Variants in SPON1 observed in about 807,000 individuals in gnomAD.
SPON1 encodes the protein spondin-1.
SPON1 carries 52 observed loss-of-function variants against 111.7 expected under a neutral mutation model. The ratio of observed to expected loss-of-function variants is 0.47; its 90% CI spans 0.37 to 0.59. The LOEUF is 0.59. Ranked by LOEUF, SPON1 falls within the 20% of genes least tolerant of loss-of-function variation. The pLI is 0.00. For synonymous variants in SPON1, 410 were observed against 395.8 expected (o/e 1.04, Z -0.43); for missense variants, 957 against 1,068.5 (o/e 0.90, Z 1.46).
intron 6 of SPON1, among the ~76,000 whole-genome samples, chr11:14,189,882 C>G (rs1300412616): frequency 1.3e-5 from 2 of 152,118 alleles, no homozygotes; most frequent in Non-Finnish European, 2.9e-5. Flanking sequence ...AAGTTAGAAA[C>G]ACAGACAGTT....
chr11:14,020,250 C>A (rs570734716), intron 2 of SPON1, among the ~76,000 whole-genome samples: 2 of 152,118 alleles, frequency 1.3e-5, no homozygotes, highest in East Asian at 3.9e-4. Flanking sequence ...TTTCAAATGC[C>A]AAGGAAATAG....
At chr11:13,982,471 G>C (rs1303415066) in intron 1 of SPON1, among the ~76,000 whole-genome samples, 1 of 152,218 alleles carries the variant, frequency 6.6e-6, no homozygotes, top group Non-Finnish European at 1.5e-5. Context: ...AGGATTTTGT[G>C]CTGTGAAGGA....
intron 1 of SPON1, among the ~76,000 whole-genome samples, chr11:13,980,755 A>C (rs1404761041): frequency 6.6e-6 from 1 of 152,336 alleles, no homozygotes; most frequent in African/African-American, 2.4e-5. Context: ...TTAAAAACTT[A>C]ATAATCAGTC....
intron 6 of SPON1, among the ~76,000 whole-genome samples, chr11:14,219,273 A>C (rs1462764538): frequency 1.3e-5 from 2 of 152,236 alleles, no homozygotes; most frequent in Admixed American, 6.5e-5. Flanking sequence ...TTTATTGAAA[A>C]GCAGCAGGGA....
Position 14,046,599 on chromosome 11 carries a change from C to T in SPON1, c.479+4945C>T, listed in dbSNP as rs759038978. Reference sequence around the variant, plus strand: ...CTTTTTATGTATTCTTGCATGAAACCCACACCATTTTATAGTGTAAAATGG... The same window carrying T: ...CTTTTTATGTATTCTTGCATGAAACTCACACCATTTTATAGTGTAAAATGG... On this transcript the variant is annotated intron_variant, in intron 3 of 15. Coordinates refer to ENST00000576479, the MANE Select transcript of SPON1 (RefSeq NM_006108.4). Among the ~76,000 whole-genome samples, 233 of 152,138 alleles carry T rather than the reference C, an allele frequency of 1.5e-3. 2 individuals are homozygous for T. Among genetic ancestry groups the T allele is most frequent in the Non-Finnish European group, 7.9e-4 (54 of 68,004 alleles).
chr11:14,221,094 C>T (rs1848675339), intron 6 of SPON1, among the ~76,000 whole-genome samples: 1 of 152,142 alleles, frequency 6.6e-6, no homozygotes, highest in African/African-American at 2.4e-5. Flanking sequence ...TTAATTTATT[C>T]ATTTATTCAC....
At chr11:14,256,510 C>T (rs753810663) in intron 9 of SPON1, 107 bp from the exon 10 acceptor site, 28 of 716,122 alleles carry the variant, frequency 3.9e-5, no homozygotes, top group Middle Eastern at 2.4e-4. Flanking sequence ...CCATGGCATA[C>T]GATTTGTATA....
intron 5 of SPON1, among the ~76,000 whole-genome samples, chr11:14,098,389 C>T (rs2133842253): frequency 6.6e-6 from 1 of 152,318 alleles, no homozygotes; most frequent in South Asian, 2.1e-4. Context: ...TTTCAATTTG[C>T]TAGACTATTC....
chr11:14,036,865 G>C (rs1848598175), intron 2 of SPON1, among the ~76,000 whole-genome samples: 1 of 152,140 alleles, frequency 6.6e-6, no homozygotes, highest in Non-Finnish European at 1.5e-5. Context: ...CAAGGGAGGA[G>C]AGTCAGTTGA....
Position 14,259,155 on chromosome 11 carries a change from G to C in SPON1, c.1493-125G>C. The C allele has an allele frequency of 9.8e-7, 1 of 1,021,036 alleles. No individual in the cohort carries two copies. The highest frequency in any genetic ancestry group is 1.4e-6 in the Non-Finnish European group (1 of 716,490). 63.2% of individuals were successfully genotyped at this position (1,021,036 alleles called of 1,614,324 possible). On this transcript the variant is annotated intron_variant, in intron 11 of 15. Transcript: ENST00000576479. This position sits in a 1 kb window ranked among gnomAD's most constrained non-coding sequence, Gnocchi z 5.0. ...CCAGTTTAAGGATTTAGACCTCTTA[G>C]GTGTGCAGACAACCTCAACTGCCTG...
intron 5 of SPON1, among the ~76,000 whole-genome samples, chr11:14,084,520 T>C (rs1171237667): frequency 1.3e-5 from 2 of 152,246 alleles, no homozygotes; most frequent in African/African-American, 4.8e-5. Context: ...GGTGTATATG[T>C]GATGCATTTT....
intron 6 of SPON1, among the ~76,000 whole-genome samples, chr11:14,201,988 G>A (rs1848469724): frequency 6.6e-6 from 1 of 151,910 alleles, no homozygotes; most frequent in Admixed American, 6.6e-5. Context: ...ACTACAAAAT[G>A]GATAAATTAT....
intron 5 of SPON1, among the ~76,000 whole-genome samples, chr11:14,110,471 G>C (rs1554925343): frequency 6.6e-6 from 1 of 152,192 alleles, no homozygotes; most frequent in Non-Finnish European, 1.5e-5. Context: ...ATAAAAGGGA[G>C]TTTATTGGGG....
At chr11:13,998,350 G>T (rs1848289746) in intron 2 of SPON1, among the ~76,000 whole-genome samples, 1 of 152,150 alleles carries the variant, frequency 6.6e-6, no homozygotes, top group African/African-American at 2.4e-5. Context: ...GAAATTTACT[G>T]CTAAACCCCT....
intron 5 of SPON1, among the ~76,000 whole-genome samples, chr11:14,111,093 T>C (rs1849223371): frequency 6.6e-6 from 1 of 152,214 alleles, no homozygotes; most frequent in Admixed American, 6.5e-5. Context: ...AAAGACAGAA[T>C]CTAAACCTTC....
chr11:14,149,996 T>C (rs1847768531), intron 6 of SPON1, among the ~76,000 whole-genome samples: 1 of 152,160 alleles, frequency 6.6e-6, no homozygotes, highest in Non-Finnish European at 1.5e-5. Flanking sequence ...ATTACACCAG[T>C]ATGATGAAGA....
intron 1 of SPON1, among the ~76,000 whole-genome samples, chr11:13,977,755 A>C (rs571352248): frequency 6.6e-6 from 1 of 152,190 alleles, no homozygotes; most frequent in East Asian, 1.9e-4. Context: ...TTGTTACTCC[A>C]AGGTCATTCG....
chr11:14,160,432 T>TAC lies in SPON1; in HGVS notation c.825+24865_825+24866insCA, dbSNP rs1564918850. 1.4e-4 allele frequency among the ~76,000 whole-genome samples: 3 copies of TAC among 21,278 alleles called. 1 individual carries two copies. The highest frequency in any genetic ancestry group is 1.2e-3 in the Admixed American group (1 of 866). The allele number at this position is 21,278 out of a possible 152,430, so 14.0% of individuals were successfully genotyped here. A position where few individuals can be genotyped will look rare whatever the true frequency, so the allele number is the denominator to read the frequency against. ...ATATATATATTTATATATATATATT[T>TAC]ATATATATATTTATATATATATTTA... On this transcript the variant is annotated intron_variant, in intron 6 of 15. Transcript: ENST00000576479.
In SPON1 at chr11:14,151,637, T is replaced by C. The variant is rs1347682611; in HGVS notation, c.825+16069T>C. On this transcript the variant is annotated intron_variant, in intron 6 of 15. Coordinates refer to ENST00000576479, the MANE Select transcript of SPON1 (RefSeq NM_006108.4). ...TGCCTTCTACCTCCATGCAACAGCT[T>C]AAATTTTTTGTCTCAGAGAAGGAAA... Among the ~76,000 whole-genome samples, 4 of 152,208 alleles carry C rather than the reference T, an allele frequency of 2.6e-5. 1 individual carries two copies. In the East Asian group the frequency reaches 5.8e-4, roughly 22 times the overall value.
Sources: gnomAD v4.1 joint callset for allele counts (sites outside exome capture counted in the v4.1 genomes callset) on GRCh38, gnomAD v4.1.1 for gene constraint, Gnocchi (gnomAD v3.1) non-coding constraint, MANE v1.5 for transcripts, NCBI Gene and HGNC (gene_info 2026-07-23, HGNC 2026-07-21) for gene names.